Variants in ARHGEF9 observed in about 807,000 individuals in gnomAD.
ARHGEF9 encodes the protein rho guanine nucleotide exchange factor 9.
A neutral mutation model predicts 41.3 loss-of-function variants in ARHGEF9; 2 were observed. The observed-to-expected ratio is 0.05, with a 90% confidence interval of 0.02 to 0.15. ARHGEF9 has a LOEUF of 0.15. Among genes scored for constraint, ARHGEF9 ranks in the 10% least tolerant of loss-of-function variants. ARHGEF9 has a pLI of 1.00. For synonymous variants in ARHGEF9, 160 were observed against 154.4 expected (o/e 1.04, Z -0.27); for missense variants, 225 against 424.7 (o/e 0.53, Z 4.13).
intron 1 of ARHGEF9, among the ~76,000 whole-genome samples, chrX:63,742,565 A>C (rs1245326781): frequency 9.0e-6 from 1 of 111,661 alleles, no homozygotes; most frequent in Non-Finnish European, 1.9e-5. Flanking sequence ...ATGGCATACA[A>C]TCTCCACCAA....
chrX:63,645,023 C>A (rs1185709187), intron 8 of ARHGEF9, among the ~76,000 whole-genome samples: 2 of 109,839 alleles, frequency 1.8e-5, no homozygotes, highest in Non-Finnish European at 3.8e-5. Context: ...GATCCTCCCA[C>A]CTCAGCCTCC....
At chrX:63,724,311 G>A (rs1386305454) in intron 2 of ARHGEF9, among the ~76,000 whole-genome samples, 1 of 111,070 alleles carries the variant, frequency 9.0e-6, no homozygotes, top group Admixed American at 9.6e-5. Flanking sequence ...GAGGTGGTGG[G>A]GCGGGGGTGT....
chrX:63,680,680 T>C (rs2050567536), intron 4 of ARHGEF9, among the ~76,000 whole-genome samples: 1 of 112,264 alleles, frequency 8.9e-6, no homozygotes, highest in Admixed American at 9.4e-5. Flanking sequence ...GGGTACCTCC[T>C]GTAGATTTTA....
At chrX:63,683,747 C>T (rs1169647004) in intron 4 of ARHGEF9, among the ~76,000 whole-genome samples, 31 of 111,158 alleles carry the variant, frequency 2.8e-4, no homozygotes, top group African/African-American at 5.2e-4. Flanking sequence ...CAATGGGGAA[C>T]GTATAGTCTC....
At chrX:63,704,514 G>C (rs144079962) in intron 3 of ARHGEF9, among the ~76,000 whole-genome samples, 2 of 111,754 alleles carry the variant, frequency 1.8e-5, no homozygotes, top group East Asian at 5.6e-4. Context: ...AGCACATTCC[G>C]AGGGGGAATT....
At chrX:63,652,210 A>G (rs567625754) in intron 8 of ARHGEF9, among the ~76,000 whole-genome samples, 33 of 111,949 alleles carry the variant, frequency 2.9e-4, no homozygotes, top group East Asian at 2.8e-3. Context: ...GTGGGAAATA[A>G]AGCTAAATAT....
chrX:63,652,170 A>G (rs190039941), intron 8 of ARHGEF9, among the ~76,000 whole-genome samples: 27 of 112,003 alleles, frequency 2.4e-4, no homozygotes, highest in African/African-American at 6.5e-4. Context: ...TCAGATACGT[A>G]CATGGATATT....
At chrX:63,754,650 T>C (rs2055854065) in intron 1 of ARHGEF9, 1 of 1,006,750 alleles carries the variant, frequency 9.9e-7, no homozygotes, top group Non-Finnish European at 1.3e-6. Context: ...GTCTCTGTTC[T>C]GTCAGACTGT....
Position 63,754,500 on chromosome X carries a change from G to A in ARHGEF9, c.31-29789C>T, listed in dbSNP as rs1457207996. 5.5e-6 allele frequency: 6 copies of A among 1,096,277 alleles called. No homozygotes were observed. The East Asian group carries it at 2.0e-4, about 36-fold the overall frequency. 90.3% of individuals were successfully genotyped at this position (1,096,277 alleles called of 1,213,427 possible). A position where few individuals can be genotyped will look rare whatever the true frequency, so the allele number is the denominator to read the frequency against. On this transcript the variant is annotated intron_variant, in intron 1 of 9. Coordinates refer to ENST00000671741, the MANE Select transcript of ARHGEF9 (RefSeq NM_001353921.2). ...TGGACTCCATTCAGCGCGTTCCCAGGAAAAACATGAGTATGACATTGACAA... is the reference window on the plus strand; with the variant it reads ...TGGACTCCATTCAGCGCGTTCCCAGAAAAAACATGAGTATGACATTGACAA...
chrX:63,739,283 A>C (rs1556425130), intron 1 of ARHGEF9, among the ~76,000 whole-genome samples: 1 of 111,080 alleles, frequency 9.0e-6, no homozygotes, highest in African/African-American at 3.3e-5. Context: ...ATTGCTTCTC[A>C]CAACAGCCTA....
intron 1 of ARHGEF9, among the ~76,000 whole-genome samples, chrX:63,733,387 GAA>G (rs2054430948): frequency 8.9e-6 from 1 of 112,168 alleles, no homozygotes; most frequent in Non-Finnish European, 1.9e-5. Context: ...GATCACCAGG[GAA>G]AGAGGCAGAG....
At chrX:63,679,424 A>G (rs1556366550) in intron 4 of ARHGEF9, among the ~76,000 whole-genome samples, 1 of 111,668 alleles carries the variant, frequency 9.0e-6, no homozygotes, top group Non-Finnish European at 1.9e-5. Context: ...AGAATAGAAA[A>G]TATTTATAAA....
chrX:63,784,538 G>C (rs12393584), intron 1 of ARHGEF9, among the ~76,000 whole-genome samples: 3,958 of 112,231 alleles, frequency 0.035, 63 homozygotes, highest in Non-Finnish European at 0.054. Flanking sequence ...GGTGACCCCA[G>C]CCCGGACAAG....
Position 63,647,476 on chromosome X carries a change from C to T in ARHGEF9, c.1322-3428G>A, listed in dbSNP as rs1432410729. On this transcript the variant is annotated intron_variant, in intron 8 of 9. Transcript: ENST00000671741. ...ATTTTGTCAAAGGCCTTTTCTGCATCTATTGAGATAATCATGTGGTTTTTG... is the reference window on the plus strand; with the variant it reads ...ATTTTGTCAAAGGCCTTTTCTGCATTTATTGAGATAATCATGTGGTTTTTG... Among the ~76,000 whole-genome samples the T allele has an allele frequency of 1.4e-4, 16 of 111,717 alleles. No individual in the cohort carries two copies. The Admixed American group carries it at 1.5e-3, about 11-fold the overall frequency.
chrX:63,690,535 A>C (rs782290716), intron 4 of ARHGEF9, among the ~76,000 whole-genome samples: 21 of 112,085 alleles, frequency 1.9e-4, no homozygotes, highest in African/African-American at 6.5e-4. Context: ...TTACGGTTTC[A>C]CTGCTGAATT....
At chrX:63,673,175 G>A (rs1216399012) in intron 6 of ARHGEF9, among the ~76,000 whole-genome samples, 8 of 111,189 alleles carry the variant, frequency 7.2e-5, no homozygotes, top group Admixed American at 3.8e-4. Flanking sequence ...CCCTTGGAAC[G>A]GGCTAAAATA....
At chrX:63,643,758 A>G (rs1179502162) in intron 9 of ARHGEF9, among the ~76,000 whole-genome samples, 1 of 110,217 alleles carries the variant, frequency 9.1e-6, no homozygotes, top group Admixed American at 9.7e-5. Context: ...ATTTTTTGCT[A>G]TACTCAATGA....
rs1457568464 is a variant in ARHGEF9, at chrX:63,735,079, C to T, written c.31-10368G>A. On this transcript the variant is annotated intron_variant, in intron 1 of 9. Coordinates refer to ENST00000671741, the MANE Select transcript of ARHGEF9 (RefSeq NM_001353921.2). ...GTCTTCTTGGACTTGGTGTGAATGC[C>T]GAGCTCCAGCTACCCACTGGAGACT... Among the ~76,000 whole-genome samples the T allele has an allele frequency of 2.7e-5, 3 of 110,809 alleles. No individual in the cohort carries two copies. In the East Asian group the frequency reaches 8.6e-4, roughly 32 times the overall value.
intron 8 of ARHGEF9, among the ~76,000 whole-genome samples, chrX:63,646,453 G>A (rs1556314712): frequency 8.9e-6 from 1 of 111,938 alleles, no homozygotes; most frequent in African/African-American, 3.2e-5. Context: ...CATATGGCTA[G>A]CCAGTTTTCC....
Sources: gnomAD v4.1 joint callset for allele counts (sites outside exome capture counted in the v4.1 genomes callset) on GRCh38, gnomAD v4.1.1 for gene constraint, MANE v1.5 for transcripts, NCBI Gene and HGNC (gene_info 2026-07-23, HGNC 2026-07-21) for gene names.